Variants in COL9A1 observed in about 807,000 individuals in gnomAD.
The protein encoded by COL9A1 is collagen alpha-1(IX) chain.
Under a neutral mutation model 142.6 loss-of-function variants are expected in COL9A1, and 104 were observed. The ratio of observed to expected loss-of-function variants is 0.73; its 90% confidence interval spans 0.62 to 0.86. COL9A1 has a LOEUF of 0.86. Among genes scored for constraint, COL9A1 ranks in the 40% least tolerant of loss-of-function variants. COL9A1 has a pLI of 0.00. For missense variants in COL9A1, 1,210 were observed against 1,176.6 expected (o/e 1.03, Z -0.42); for synonymous variants, 466 against 396.0 (o/e 1.18, Z -2.10).
At position 70,227,424 on chromosome 6, in the gene COL9A1, T is replaced by TAAAAAAAAAAAAAAAA. The variant is rs11407353; in HGVS notation, c.2504-1431_2504-1416dup. Among the ~76,000 whole-genome samples, 16 of 50,032 alleles carry TAAAAAAAAAAAAAAAA rather than the reference T, an allele frequency of 3.2e-4. 1 individual carries two copies. Among genetic ancestry groups the TAAAAAAAAAAAAAAAA allele is most frequent in the African/African-American group, 1.6e-3 (14 of 8,866 alleles). 32.8% of individuals were successfully genotyped at this position (50,032 alleles called of 152,430 possible). A position where few individuals can be genotyped will look rare whatever the true frequency, so the allele number is the denominator to read the frequency against. On this transcript the variant is annotated intron_variant, in intron 36 of 37. Transcript: ENST00000357250. ...CTCATAACAAAATAAATGCAAATTG[T>TAAAAAAAAAAAAAAAA]AAAAAAAAAAAAAAAAAAAAAAAAG...
At chr6:70,260,588 T>G in intron 20 of COL9A1, 69 bp downstream of exon 20, 1 of 1,360,726 alleles carries the variant, frequency 7.3e-7, no homozygotes, top group Non-Finnish European at 1.0e-6. Context: ...TAAAAAGTTA[T>G]GTTTAAACGG....
chr6:70,261,718 G>C (rs1771701731), intron 19 of COL9A1, among the ~76,000 whole-genome samples: 1 of 152,188 alleles, frequency 6.6e-6, no homozygotes. Flanking sequence ...GGCCATATCA[G>C]ATGAAAGCTG....
At chr6:70,217,157 C>G in intron 37 of COL9A1, 76 bp from the exon 38 acceptor site, 1 of 1,471,432 alleles carries the variant, frequency 6.8e-7, no homozygotes, top group Non-Finnish European at 9.5e-7. Flanking sequence ...CATGGCTCAG[C>G]AGCGCTCAGA....
intron 15 of COL9A1, among the ~76,000 whole-genome samples, chr6:70,270,089 T>C (rs1583301136): frequency 1.3e-5 from 2 of 152,238 alleles, no homozygotes; most frequent in African/African-American, 2.4e-5. Context: ...ACTTCAAAAG[T>C]AATGAGTAAG....
rs765656254 is a variant in COL9A1 at position 70,274,781 on chromosome 6, G to C, written c.976-9C>G. ...TCAGGTCCTGTTAATCCCTAATAGA[G>C]CAAGACAATGATGTTAGAACTATCA... On this transcript the variant is annotated splice_polypyrimidine_tract_variant and intron_variant, in intron 10 of 37. Coordinates refer to ENST00000357250, the MANE Select transcript of COL9A1 (RefSeq NM_001851.6). The C allele has an allele frequency of 6.2e-7, 1 of 1,609,704 alleles. No individual in the cohort carries two copies. Among genetic ancestry groups the C allele is most frequent in the Admixed American group, 1.7e-5 (1 of 59,994 alleles).
intron 11 of COL9A1, 122 bp downstream of exon 11, chr6:70,274,597 T>C (rs1245102784): frequency 2.5e-6 from 2 of 793,586 alleles, no homozygotes; most frequent in Admixed American, 2.0e-5. Context: ...TAAACACAAT[T>C]TTAGTTGAAC....
intron 5 of COL9A1, among the ~76,000 whole-genome samples, chr6:70,293,834 C>T (rs1394531595): frequency 6.6e-6 from 1 of 152,136 alleles, no homozygotes; most frequent in Non-Finnish European, 1.5e-5. Context: ...TGCATTGCTT[C>T]CAAGAAGCAT....
At chr6:70,240,005 GC>G (rs1471919730) in intron 32 of COL9A1, among the ~76,000 whole-genome samples, 7 of 151,980 alleles carry the variant, frequency 4.6e-5, no homozygotes, top group African/African-American at 1.7e-4. Context: ...TTTTTTTCCT[GC>G]CCTACAAGCT....
intron 37 of COL9A1, among the ~76,000 whole-genome samples, chr6:70,219,005 T>C (rs559493098): frequency 1.3e-5 from 2 of 152,310 alleles, no homozygotes; most frequent in African/African-American, 2.4e-5. Flanking sequence ...TCATTATGTG[T>C]TTTCTTTTAA....
chr6:70,252,097 A>G (rs1292632011), intron 28 of COL9A1, 23 bp downstream of exon 28: 4 of 1,612,966 alleles, frequency 2.5e-6, no homozygotes, highest in East Asian at 4.5e-5. Context: ...GTGCTTTAGG[A>G]AAGAACAGCA....
At chr6:70,252,376 G>T in intron 26 of COL9A1, 61 bp from the exon 27 acceptor site, 1 of 1,448,358 alleles carries the variant, frequency 6.9e-7, no homozygotes, top group Non-Finnish European at 9.7e-7. Flanking sequence ...TCATCAATCT[G>T]CCTTACCCAG....
In COL9A1 at chr6:70,302,973, G is replaced by T; in HGVS notation, c.-49C>A. 1 of 1,597,644 alleles carries T rather than the reference G, an allele frequency of 6.3e-7. No homozygotes were observed. The highest frequency in any genetic ancestry group is 8.6e-7 in the Non-Finnish European group (1 of 1,165,024). On this transcript the variant is annotated 5_prime_UTR_variant, in exon 1 of 38. Transcript: ENST00000357250. Reference sequence around the variant, plus strand: ...TGCCAACAGTCCCTATGAAGAAGGGGTTGGAAGGGAGTCACTGTCCCCTCA... The same window carrying T: ...TGCCAACAGTCCCTATGAAGAAGGGTTTGGAAGGGAGTCACTGTCCCCTCA...
At chr6:70,273,105 A>C (rs1772514388) in intron 12 of COL9A1, among the ~76,000 whole-genome samples, 1 of 152,188 alleles carries the variant, frequency 6.6e-6, no homozygotes, top group African/African-American at 2.4e-5. Flanking sequence ...TTAGTTGGAC[A>C]GGAAAAACAA....
Position 70,234,728 on chromosome 6 carries a change from A to G in COL9A1, c.2259+66T>C, listed in dbSNP as rs77232481. ...AGAACTTGTTGAGAAGCTGATGCCTAGAACAGCCCTGCTGCTGTGGGATGG... is the reference window on the plus strand; with the variant it reads ...AGAACTTGTTGAGAAGCTGATGCCTGGAACAGCCCTGCTGCTGTGGGATGG... On this transcript the variant is annotated intron_variant, in intron 34 of 37. Coordinates refer to ENST00000357250, the MANE Select transcript of COL9A1 (RefSeq NM_001851.6). 317 of 1,609,060 alleles carry G rather than the reference A, an allele frequency of 2.0e-4. 2 individuals carry two copies. In the African/African-American group the frequency reaches 3.7e-3, roughly 19 times the overall value.
chr6:70,234,825 G>A lies in COL9A1; in HGVS notation c.2228C>T (p.Ala743Val), dbSNP rs781246762. 2.5e-5 allele frequency: 41 copies of A among 1,613,888 alleles called. No individual in the cohort carries two copies. Among genetic ancestry groups the A allele is most frequent in the Non-Finnish European group, 2.8e-5 (33 of 1,179,962 alleles). The change falls in exon 34 of 38, where the codon GCC (alanine) becomes GTC (valine). Residue 743 changes from alanine to valine, a missense_variant. Physicochemically the swap from Ala to Val is moderately conservative, Grantham distance 64 (BLOSUM62 0). Transcript: ENST00000357250. Reference protein sequence around the residue: ...GPRGVQGEQGATGLPGVQGPP... With the variant: ...GPRGVQGEQGVTGLPGVQGPP... ...GCCCTGGACACCAGGCAGGCCGGTG[G>A]CACCCTGTTCTCCCTGCACACCCCG...
chr6:70,280,484 C>G, intron 10 of COL9A1: 2 of 1,307,426 alleles, frequency 1.5e-6, no homozygotes, highest in South Asian at 1.7e-5. Context: ...TATTGCCATC[C>G]GTACCCCCTC....
chr6:70,261,999 C>T (rs1316454623), intron 19 of COL9A1, among the ~76,000 whole-genome samples: 1 of 152,130 alleles, frequency 6.6e-6, no homozygotes, highest in Non-Finnish European at 1.5e-5. Context: ...TAACGGATAT[C>T]CCCCAATGGA....
chr6:70,291,385 C>T lies in COL9A1; in HGVS notation c.696+2782G>A, dbSNP rs143335216. The stretch of plus-strand genomic sequence containing the variant: ...TTCAGACATCAAATCCCTTAGGAAA[C>T]ATCCCTGGCCCCCACTCTCATGCCT... On this transcript the variant is annotated intron_variant, in intron 5 of 37. Coordinates refer to ENST00000357250, the MANE Select transcript of COL9A1 (RefSeq NM_001851.6). Among the ~76,000 whole-genome samples the T allele has an allele frequency of 2.0e-3, 311 of 152,220 alleles. 2 individuals carry two copies. The highest frequency in any genetic ancestry group is 7.3e-3 in the African/African-American group (304 of 41,558).
At chr6:70,270,282 A>G (rs770114164) in intron 15 of COL9A1, 32 bp downstream of exon 15, 28 of 1,606,422 alleles carry the variant, frequency 1.7e-5, no homozygotes, top group African/African-American at 1.6e-4. Context: ...ACTCTCAGAC[A>G]CAAACAGAAA....
Sources: gnomAD v4.1 joint callset for allele counts (sites outside exome capture counted in the v4.1 genomes callset) on GRCh38, gnomAD v4.1.1 for gene constraint, MANE v1.5 for transcripts, NCBI Gene and HGNC (gene_info 2026-07-23, HGNC 2026-07-21) for gene names.